Variants in FDX1 observed in about 807,000 individuals in gnomAD.
FDX1 encodes the protein ferredoxin 1.
A neutral mutation model predicts 14.9 loss-of-function variants in FDX1; 9 were observed. The observed-to-expected ratio is 0.60, with a 90% CI of 0.36 to 1.05. FDX1 has a LOEUF of 1.05. Among genes scored for constraint, FDX1 ranks in the 50% least tolerant of loss-of-function variants. The pLI is 0.01. For missense variants in FDX1, 204 were observed against 237.2 expected (o/e 0.86, Z 0.92); for synonymous variants, 92 against 99.4 (o/e 0.93, Z 0.44).
At position 110,455,317 on chromosome 11, in the gene FDX1, C is replaced by A. The variant is rs117805978; in HGVS notation, c.311-1601C>A. 9.1e-3 allele frequency among the ~76,000 whole-genome samples: 1,378 copies of A among 151,518 alleles called. 10 individuals carry two copies. Among genetic ancestry groups the A allele is most frequent in the Non-Finnish European group, 0.014 (936 of 67,862 alleles). ...GCCCGGCCTGTTTTTTTTTTCCTTA[C>A]GGTAAAATATAAATAATAAATGCTT... On this transcript the variant is annotated intron_variant, in intron 2 of 3. Transcript: ENST00000260270.
intron 2 of FDX1, among the ~76,000 whole-genome samples, chr11:110,444,017 G>C (rs912859040): frequency 1.1e-4 from 16 of 151,788 alleles, no homozygotes; most frequent in African/African-American, 3.9e-4. Context: ...TAGGTTGTCT[G>C]TTTACTTTGT....
At chr11:110,429,465 T>A (rs1044700811), upstream of FDX1, among the ~76,000 whole-genome samples, 2 of 152,224 alleles carry the variant, frequency 1.3e-5, no homozygotes, top group African/African-American at 4.8e-5. Flanking sequence ...AGCCAGCATT[T>A]ACTTGCCAGT....
At position 110,462,947 on chromosome 11, in the gene FDX1, T is replaced by G. The variant is rs978240413; in HGVS notation, c.*479T>G. On this transcript the variant is annotated 3_prime_UTR_variant, in exon 4 of 4. Transcript: ENST00000260270. ...AGACTGAAACTGGAGAAATTATGAC[T>G]ATTTTATTTATAGTAGTAGTTAAAT... The G allele has an allele frequency of 6.6e-6, 1 of 152,504 alleles. No individual in the cohort carries two copies. Among genetic ancestry groups the G allele is most frequent in the African/African-American group, 2.4e-5 (1 of 41,454 alleles). The allele number at this position is 152,504 out of a possible 1,614,324, so 9.4% of individuals were successfully genotyped here.
intron 3 of FDX1, among the ~76,000 whole-genome samples, chr11:110,458,955 T>C (rs1259606223): frequency 6.6e-6 from 1 of 152,208 alleles, no homozygotes; most frequent in Non-Finnish European, 1.5e-5. Context: ...GATGGATGGA[T>C]GATACATGGA....
In FDX1 at chr11:110,462,547, C is replaced by A; in HGVS notation, c.*79C>A. On this transcript the variant is annotated 3_prime_UTR_variant, in exon 4 of 4. Transcript: ENST00000260270. ...ATTTCTTAAAGTGATTAAATGAGAA[C>A]ATGGATGAGTGGACTTCATATTATG... 1 of 720,652 alleles carries A rather than the reference C, an allele frequency of 1.4e-6. No homozygotes were observed. Among genetic ancestry groups the A allele is most frequent in the Non-Finnish European group, 2.3e-6 (1 of 441,662 alleles). The allele number at this position is 720,652 out of a possible 1,614,324, so 44.6% of individuals were successfully genotyped here.
At chr11:110,458,763 A>G (rs1946538772) in intron 3 of FDX1, among the ~76,000 whole-genome samples, 3 of 152,040 alleles carry the variant, frequency 2.0e-5, no homozygotes, top group South Asian at 4.2e-4. Flanking sequence ...GCCTGCCACC[A>G]TGCCCCGCTA....
intron 2 of FDX1, among the ~76,000 whole-genome samples, chr11:110,447,293 A>AC (rs1946457402): frequency 8.3e-6 from 1 of 120,978 alleles, no homozygotes; most frequent in Non-Finnish European, 1.7e-5. Flanking sequence ...AAAAAAAAAA[A>AC]AAAAAAAAAA....
chr11:110,434,740 T>G (rs1418411955), intron 1 of FDX1, among the ~76,000 whole-genome samples: 2 of 140,552 alleles, frequency 1.4e-5, no homozygotes, highest in Non-Finnish European at 3.0e-5. Flanking sequence ...TTTTTTTTTT[T>G]TTTTTTTTGA....
chr11:110,429,891 G>T (rs1026367629), upstream of FDX1: 5 of 329,648 alleles, frequency 1.5e-5, no homozygotes, highest in African/African-American at 1.1e-4. Flanking sequence ...GTGGGCGTGA[G>T]AGGCGGGGCG....
chr11:110,456,852 T>C lies in FDX1; in HGVS notation c.311-66T>C, dbSNP rs1252482179. The stretch of plus-strand genomic sequence containing the variant: ...GCTGATTCTAACATTTAGAAGCCTT[T>C]ACTGAACCAGGTATGAATCGTCTGA... On this transcript the variant is annotated intron_variant, in intron 2 of 3. Coordinates refer to ENST00000260270, the MANE Select transcript of FDX1 (RefSeq NM_004109.5). The C allele has an allele frequency of 2.0e-6, 3 of 1,509,110 alleles. No individual in the cohort carries two copies. The Admixed American group carries it at 5.9e-5, about 30-fold the overall frequency. The allele number at this position is 1,509,110 out of a possible 1,614,324, so 93.5% of individuals were successfully genotyped here.
chr11:110,447,176 GGAA>G (rs1490423878), intron 2 of FDX1, among the ~76,000 whole-genome samples: 1,861 of 45,694 alleles, frequency 0.041, 72 homozygotes, highest in African/African-American at 0.12. Context: ...ACTCCATCTT[GGAA>G]AAAAAAAAAA....
chr11:110,462,311 A>G (rs1208876996), intron 3 of FDX1, 43 bp from the exon 4 acceptor site: 5 of 1,099,742 alleles, frequency 4.5e-6, no homozygotes, highest in Admixed American at 3.5e-5. Context: ...TTGTGAATAT[A>G]TATACGTAAT....
chr11:110,448,349 T>C (rs1015677668), intron 2 of FDX1, among the ~76,000 whole-genome samples: 9 of 152,232 alleles, frequency 5.9e-5, no homozygotes, highest in African/African-American at 2.2e-4. Flanking sequence ...TTAGATTTTA[T>C]ATTTACACAT....
chr11:110,432,535 C>T (rs1420217399), intron 1 of FDX1, among the ~76,000 whole-genome samples: 1 of 152,174 alleles, frequency 6.6e-6, no homozygotes, highest in East Asian at 1.9e-4. Flanking sequence ...GTGGTGCCAT[C>T]ATGGCTCACT....
chr11:110,458,902 G>T (rs1177903150), intron 3 of FDX1, among the ~76,000 whole-genome samples: 1 of 152,138 alleles, frequency 6.6e-6, no homozygotes, highest in Non-Finnish European at 1.5e-5. Flanking sequence ...ACCGTGCCTG[G>T]CTTCAATGTT....
intron 2 of FDX1, among the ~76,000 whole-genome samples, chr11:110,447,910 G>C (rs552281671): frequency 6.6e-6 from 1 of 152,166 alleles, no homozygotes; most frequent in Non-Finnish European, 1.5e-5. Flanking sequence ...AATAGACTGC[G>C]ATGAGGGATA....
intron 3 of FDX1, among the ~76,000 whole-genome samples, chr11:110,457,518 T>C (rs1233756387): frequency 2.6e-5 from 4 of 151,950 alleles, no homozygotes; most frequent in Admixed American, 1.3e-4. Context: ...ATTCTTGTTA[T>C]TAATTAATAG....
chr11:110,460,734 TCTC>T (rs770113119), intron 3 of FDX1, among the ~76,000 whole-genome samples: 14 of 152,198 alleles, frequency 9.2e-5, no homozygotes, highest in Non-Finnish European at 1.9e-4. Flanking sequence ...TGTGAGGAAT[TCTC>T]CTGCTCATCT....
At chr11:110,440,264 C>T (rs1010441746) in intron 2 of FDX1, among the ~76,000 whole-genome samples, 5 of 151,866 alleles carry the variant, frequency 3.3e-5, no homozygotes, top group Non-Finnish European at 5.9e-5. Context: ...TTTTGGGTCT[C>T]GATTTTGTTC....
Sources: allele counts gnomAD v4.1 joint callset (sites outside exome capture counted in the v4.1 genomes callset), GRCh38; gene constraint gnomAD v4.1.1; transcripts MANE v1.5; gene names NCBI Gene and HGNC (gene_info 2026-07-23, HGNC 2026-07-21).